The following GRTP1 variants were observed in gnomAD, a reference collection of about 807,000 sequenced individuals.
GRTP1 encodes growth hormone regulated TBC protein 1, also known as growth hormone-regulated TBC protein 1.
In GRTP1, 56 loss-of-function variants were observed where a neutral mutation model predicts 38.1. The observed-to-expected ratio is 1.47, with a 90% CI of 1.19 to 1.84. GRTP1 has a LOEUF of 1.84. Ranked by LOEUF, GRTP1 falls within the 40% of genes most tolerant of loss-of-function variation. GRTP1 has a pLI of 0.00. For missense variants in GRTP1, 506 were observed against 453.9 expected (o/e 1.11, Z -1.04); for synonymous variants, 217 against 189.5 (o/e 1.14, Z -1.19).
chr13:113,345,081 A>G, intron 4 of GRTP1, 122 bp from the exon 5 acceptor site: 1 of 1,059,380 alleles, frequency 9.4e-7, no homozygotes, highest in Non-Finnish European at 1.3e-6. Flanking sequence ...AAACCTGCAT[A>G]ATTGCAGAAT....
chr13:113,352,234 A>ATATATATT (rs1555318905), intron 3 of GRTP1, among the ~76,000 whole-genome samples: 41 of 113,316 alleles, frequency 3.6e-4, no homozygotes, highest in Non-Finnish European at 6.5e-4. Context: ...TTCTATATTT[A>ATATATATT]TATATATATT....
Position 113,350,848 on chromosome 13 carries a change from C to A in GRTP1, c.465+1G>T. 6.4e-7 allele frequency: 1 copy of A among 1,566,932 alleles called. No individual in the cohort carries two copies. Among genetic ancestry groups the A allele is most frequent in the Non-Finnish European group, 8.7e-7 (1 of 1,148,432 alleles). On this transcript the variant is annotated splice_donor_variant, in intron 4 of 7. Transcript: ENST00000375431. LOFTEE classifies it high-confidence loss of function. Reference sequence around the variant, plus strand: ...TGGCGTCAGAGGGTCCCGAGGCTCACCTGGCAGTAGCCCACTCCCTGGTTA... The same window carrying A: ...TGGCGTCAGAGGGTCCCGAGGCTCAACTGGCAGTAGCCCACTCCCTGGTTA...
chr13:113,350,322 C>T (rs2043238186), intron 4 of GRTP1, among the ~76,000 whole-genome samples: 1 of 152,128 alleles, frequency 6.6e-6, no homozygotes, highest in Admixed American at 6.5e-5. Flanking sequence ...TGCTGGTTCA[C>T]ACCACGGAGC....
At chr13:113,363,362 C>T (rs1288947699) in intron 2 of GRTP1, among the ~76,000 whole-genome samples, 1 of 152,230 alleles carries the variant, frequency 6.6e-6, no homozygotes, top group African/African-American at 2.4e-5. Context: ...CAGGAGCCAC[C>T]ACGCCCGGCT....
At chr13:113,333,874 T>TGCGC (rs33972835) in intron 5 of GRTP1, among the ~76,000 whole-genome samples, 49 of 135,342 alleles carry the variant, frequency 3.6e-4, no homozygotes, top group South Asian at 9.7e-4. Flanking sequence ...TGTGTGTGTG[T>TGCGC]CCGAGGCTGG....
chr13:113,360,708 G>C (rs1229739962), intron 2 of GRTP1, among the ~76,000 whole-genome samples: 2 of 152,168 alleles, frequency 1.3e-5, no homozygotes, highest in African/African-American at 4.8e-5. Context: ...ACAGCCCTGT[G>C]GCTCCCACCC....
intron 5 of GRTP1, among the ~76,000 whole-genome samples, chr13:113,326,945 G>A (rs536647760): frequency 6.6e-6 from 1 of 152,326 alleles, no homozygotes; most frequent in African/African-American, 2.4e-5. Context: ...TGGAGAGGGC[G>A]GCGGCAATGG....
At chr13:113,326,369 T>G (rs982403233) in intron 5 of GRTP1, among the ~76,000 whole-genome samples, 5 of 1,608 alleles carry the variant, frequency 3.1e-3, no homozygotes, top group Admixed American at 8.9e-3. Context: ...AGGTGGAGGG[T>G]GGCGCGGTGG....
At chr13:113,336,298 G>GTTTT (rs67179331) in intron 5 of GRTP1, among the ~76,000 whole-genome samples, 5,589 of 20,722 alleles carry the variant, frequency 0.27, 277 homozygotes, top group Middle Eastern at 0.31. Flanking sequence ...GAATAAGGTA[G>GTTTT]TTTTTTTTTT....
intron 5 of GRTP1, among the ~76,000 whole-genome samples, chr13:113,330,411 C>A (rs56342837): frequency 8.0e-6 from 1 of 124,952 alleles, no homozygotes; most frequent in Non-Finnish European, 1.6e-5. Flanking sequence ...TGCATGGAAA[C>A]CCGGGTGTGT....
intron 3 of GRTP1, chr13:113,351,635 C>CGTGGG (rs2043268481): frequency 1.3e-5 from 2 of 152,794 alleles, no homozygotes; most frequent in Non-Finnish European, 2.9e-5. Flanking sequence ...CTGGGGGACC[C>CGTGGG]GGATACCACG....
intron 5 of GRTP1, among the ~76,000 whole-genome samples, chr13:113,329,262 A>G (rs566253487): frequency 8.5e-5 from 13 of 152,288 alleles, no homozygotes; most frequent in African/African-American, 3.1e-4. Context: ...AGTGCCACGG[A>G]GACATTGGGA....
At chr13:113,363,407 A>G (rs2043535461) in intron 2 of GRTP1, among the ~76,000 whole-genome samples, 2 of 151,876 alleles carry the variant, frequency 1.3e-5, no homozygotes, top group South Asian at 4.2e-4. Flanking sequence ...GGGTTTCACC[A>G]TGTTGGTCAG....
chr13:113,333,387 ACT>A (rs1317245665), intron 5 of GRTP1, among the ~76,000 whole-genome samples: 1 of 152,194 alleles, frequency 6.6e-6, no homozygotes, highest in Admixed American at 6.5e-5. Flanking sequence ...CCTTTGCCAA[ACT>A]CACGAATGCA....
At position 113,324,521 on chromosome 13, in the gene GRTP1, C is replaced by T. The variant is rs1389408647; in HGVS notation, c.978G>A (p.Glu326=). ...GTGCCAGCAGCCGGGCCCTGCAGCT[C>T]TCGCGGAGCTTGGCGACGGTGGCCA... ...LSMATVAKLR[E]SCRARLLAQG is the part of the protein sequence containing the mutation. Residue 326 remains glutamate, a synonymous_variant, in exon 8 of 8, where the codon GAG becomes GAA. Transcript: ENST00000375431. 9.3e-6 allele frequency: 15 copies of T among 1,611,866 alleles called. No homozygotes were observed. The highest frequency in any genetic ancestry group is 1.3e-5 in the Non-Finnish European group (15 of 1,179,200).
intron 6 of GRTP1, 27 bp downstream of exon 6, chr13:113,325,892 G>T (rs372549277): frequency 5.0e-6 from 8 of 1,613,672 alleles, no homozygotes. Flanking sequence ...CGGCCCGCCC[G>T]CCCCAGGGCC....
rs941021970 is a variant in GRTP1, at chr13:113,343,239, T to C, written c.562+1624A>G. On this transcript the variant is annotated intron_variant, in intron 5 of 7. Coordinates refer to ENST00000375431, the MANE Select transcript of GRTP1 (RefSeq NM_024719.4). The surrounding 1 kb of genome is among the most constrained non-coding windows in gnomAD (Gnocchi z 4.8). ...GATGTCTCCTAACTCCATCTGCCTC[T>C]AATTTCACCATTCCACCTGGTCCAG... Among the ~76,000 whole-genome samples, 1 of 152,132 alleles carries C rather than the reference T, an allele frequency of 6.6e-6. No individual in the cohort carries two copies. Among genetic ancestry groups the C allele is most frequent in the Non-Finnish European group, 1.5e-5 (1 of 68,006 alleles).
chr13:113,332,955 A>C (rs1268148599), intron 5 of GRTP1, among the ~76,000 whole-genome samples: 1 of 152,258 alleles, frequency 6.6e-6, no homozygotes, highest in East Asian at 1.9e-4. Context: ...ACATGGACAC[A>C]CAGCACTGAC....
intron 3 of GRTP1, among the ~76,000 whole-genome samples, chr13:113,352,360 T>TTATATATATATATTTATATATATTTTA (rs1566438059): frequency 4.7e-4 from 24 of 50,638 alleles, no homozygotes; most frequent in African/African-American, 1.5e-3. Flanking sequence ...TATATATATT[T>TTATATATATATATTTATATATATTTTA]TATATATATA....
Sources: allele counts gnomAD v4.1 joint callset (sites outside exome capture counted in the v4.1 genomes callset), GRCh38; gene constraint gnomAD v4.1.1; non-coding constraint Gnocchi (gnomAD v3.1); transcripts MANE v1.5; gene names NCBI Gene and HGNC (gene_info 2026-07-23, HGNC 2026-07-21).